Variants in DOCK4 observed in about 807,000 individuals in gnomAD.
DOCK4 encodes dedicator of cytokinesis 4, also known as dedicator of cytokinesis protein 4.
Under a neutral mutation model 268.1 loss-of-function variants are expected in DOCK4, and 97 were observed. The observed-to-expected ratio is 0.36, with a 90% CI of 0.31 to 0.43. The LOEUF is 0.43. Ranked by LOEUF, DOCK4 falls within the 20% of genes least tolerant of loss-of-function variation. The pLI is 1.00. For missense variants in DOCK4, 2,145 were observed against 2,455.7 expected (o/e 0.87, Z 2.67); for synonymous variants, 954 against 887.2 (o/e 1.08, Z -1.34).
At chr7:111,902,829 G>A (rs549223677) in intron 13 of DOCK4, among the ~76,000 whole-genome samples, 1 of 152,114 alleles carries the variant, frequency 6.6e-6, no homozygotes, top group East Asian at 1.9e-4. Flanking sequence ...GAGTGCAGAG[G>A]TGGGATCTTG....
intron 31 of DOCK4, 113 bp from the exon 32 acceptor site, chr7:111,788,860 A>G (rs991066765): frequency 1.1e-6 from 1 of 940,090 alleles, no homozygotes; most frequent in Admixed American, 2.0e-5. Context: ...ATTTTGTGAA[A>G]GTGACATTAT....
At chr7:111,855,129 G>C (rs1318615369) in intron 23 of DOCK4, among the ~76,000 whole-genome samples, 1 of 152,178 alleles carries the variant, frequency 6.6e-6, no homozygotes, top group Admixed American at 6.5e-5. Context: ...CACATCACAG[G>C]GCATGGAAGA....
At chr7:112,190,542 G>T (rs1335251713) in intron 1 of DOCK4, among the ~76,000 whole-genome samples, 1 of 152,118 alleles carries the variant, frequency 6.6e-6, no homozygotes, top group Non-Finnish European at 1.5e-5. Context: ...AGGAGCCAGT[G>T]GTTCCATAGG....
chr7:111,934,504 C>T (rs1325666548), intron 12 of DOCK4, among the ~76,000 whole-genome samples: 1 of 142,612 alleles, frequency 7.0e-6, no homozygotes, highest in Non-Finnish European at 1.5e-5. Flanking sequence ...GGCAGCGAAG[C>T]ATGTTTTGTT....
chr7:111,988,839 G>C (rs974109419), intron 6 of DOCK4, among the ~76,000 whole-genome samples, 176 bp downstream of exon 6: 9 of 152,154 alleles, frequency 5.9e-5, no homozygotes, highest in African/African-American at 1.2e-4. Flanking sequence ...ACACCAGCTT[G>C]AGAAGAAATG....
chr7:111,912,944 AT>A (rs943106195), intron 13 of DOCK4, among the ~76,000 whole-genome samples: 4 of 151,636 alleles, frequency 2.6e-5, no homozygotes, highest in African/African-American at 9.7e-5. Context: ...AGAAATTAAA[AT>A]TTTTTAGAGC....
chr7:112,066,720 T>TCTCC (rs1424733411), intron 1 of DOCK4, among the ~76,000 whole-genome samples: 17 of 102,718 alleles, frequency 1.7e-4, no homozygotes, highest in African/African-American at 6.2e-4. Flanking sequence ...TATATATATA[T>TCTCC]ATATATATAT....
At chr7:111,907,394 C>T (rs1472991216) in intron 13 of DOCK4, among the ~76,000 whole-genome samples, 4 of 152,126 alleles carry the variant, frequency 2.6e-5, no homozygotes, top group Non-Finnish European at 5.9e-5. Context: ...AACTGTGGTT[C>T]CCTGTTGCCA....
At chr7:111,991,961 CAAAAAAA>C (rs60667093) in intron 5 of DOCK4, among the ~76,000 whole-genome samples, 4 of 50,882 alleles carry the variant, frequency 7.9e-5, no homozygotes, top group African/African-American at 1.6e-4. Flanking sequence ...ACTCTGTCTC[CAAAAAAA>C]AAAAAAAAAA....
intron 1 of DOCK4, among the ~76,000 whole-genome samples, chr7:112,185,250 G>C (rs114200740): frequency 6.6e-6 from 1 of 152,154 alleles, no homozygotes; most frequent in Non-Finnish European, 1.5e-5. Flanking sequence ...GCAGGAGCTC[G>C]TTTGATCCAC....
Position 111,809,380 on chromosome 7 carries a change from G to C in DOCK4, c.3028C>G (p.Leu1010Val). Residue 1010 changes from leucine to valine, a missense_variant, in exon 29 of 53, where the codon CTC becomes GTC. Physicochemically the swap from Leu to Val is conservative, Grantham distance 32. This residue lies in a region of DOCK4 where 1,598 missense variants were observed against 1,986.7 expected (regional missense o/e 0.80). Coordinates refer to ENST00000428084, the MANE Select transcript of DOCK4 (RefSeq NM_001363540.2). ...AACTGGTTTATAAAAATGACTGCGA[G>C]GTAAAAGTAGGAATCCCAGATCTAA... ...DYKIWDSYFY[L>V]AVIFINQLCL... 4 of 1,562,410 alleles carry C rather than the reference G, an allele frequency of 2.6e-6. No homozygotes were observed. The highest frequency in any genetic ancestry group is 3.5e-6 in the Non-Finnish European group (4 of 1,151,794).
At chr7:111,875,616 G>A (rs550299822) in intron 17 of DOCK4, among the ~76,000 whole-genome samples, 1 of 152,362 alleles carries the variant, frequency 6.6e-6, no homozygotes, top group African/African-American at 2.4e-5. Flanking sequence ...CTTAAAAGAT[G>A]TAAGATGGTC....
chr7:111,856,826 G>T (rs1805050887), intron 23 of DOCK4, among the ~76,000 whole-genome samples: 1 of 152,058 alleles, frequency 6.6e-6, no homozygotes, highest in African/African-American at 2.4e-5. Flanking sequence ...GCTTTCTTGA[G>T]GTCCCAGGTA....
At chr7:112,148,992 C>G (rs142771957) in intron 1 of DOCK4, among the ~76,000 whole-genome samples, 2 of 152,158 alleles carry the variant, frequency 1.3e-5, no homozygotes, top group Non-Finnish European at 2.9e-5. Flanking sequence ...CCACTGAGCA[C>G]GCTGCTCCCT....
chr7:111,810,725 G>A (rs1431160052), intron 28 of DOCK4, among the ~76,000 whole-genome samples: 4 of 152,034 alleles, frequency 2.6e-5, no homozygotes, highest in Non-Finnish European at 4.4e-5. Context: ...GGCCAGGCGC[G>A]GTGACTCATG....
intron 4 of DOCK4, 82 bp from the exon 5 acceptor site, chr7:111,994,313 A>G (rs847541): frequency 0.68 from 570,542 of 839,726 alleles, 199,321 homozygotes; most frequent in East Asian, 1. Flanking sequence ...AGATAACTAG[A>G]AAAGAAAGCT....
At chr7:111,745,453 C>T (rs568324671) in intron 44 of DOCK4, among the ~76,000 whole-genome samples, 9 of 151,928 alleles carry the variant, frequency 5.9e-5, no homozygotes, top group African/African-American at 9.7e-5. Flanking sequence ...GAGGCTGAGG[C>T]GGGTGGATCA....
chr7:111,737,020 T>C, intron 49 of DOCK4, 31 bp from the exon 50 acceptor site: 1 of 1,576,084 alleles, frequency 6.3e-7, no homozygotes, highest in South Asian at 1.2e-5. Flanking sequence ...ATTTTTATGA[T>C]GTGATATACG....
intron 30 of DOCK4, among the ~76,000 whole-genome samples, chr7:111,802,929 T>C (rs1256879479): frequency 6.6e-6 from 1 of 152,218 alleles, no homozygotes. Flanking sequence ...TACTTGTACA[T>C]ACATCTGTAA....
Sources: allele counts gnomAD v4.1 joint callset (sites outside exome capture counted in the v4.1 genomes callset), GRCh38; gene constraint gnomAD v4.1.1; regional missense constraint gnomAD v4.1.1; transcripts MANE v1.5; gene names NCBI Gene and HGNC (gene_info 2026-07-23, HGNC 2026-07-21).